Variants in IL17RD observed in about 807,000 individuals in gnomAD.
IL17RD encodes the protein interleukin 17 receptor D.
A neutral mutation model predicts 80.5 loss-of-function variants in IL17RD; 52 were observed. That is an observed-to-expected ratio of 0.65 (90% confidence interval 0.52 to 0.81). The LOEUF (loss-of-function observed/expected upper bound fraction) is 0.81, where lower values mean the gene tolerates loss of function less well. Ranked by LOEUF, IL17RD falls within the 40% of genes least tolerant of loss-of-function variation. The probability of loss-of-function intolerance (pLI) is 0.00; values close to 1 mark genes in which losing one functional copy is unlikely to be tolerated. For missense variants in IL17RD, 1,024 were observed against 955.1 expected, an observed-to-expected ratio of 1.07 and a Z score of -0.95; for synonymous variants, 416 against 391.8, an observed-to-expected ratio of 1.06 and a Z score of -0.73.
intron 1 of IL17RD, chr3:57,134,611 C>A (rs1161566725): frequency 4.2e-6 from 4 of 945,652 alleles, no homozygotes; most frequent in Non-Finnish European, 6.9e-6. Flanking sequence ...GCTGACCAGG[C>A]TAAGGCCCGC....
intron 5 of IL17RD, among the ~76,000 whole-genome samples, chr3:57,108,152 C>A (rs1196207881): frequency 6.6e-6 from 1 of 150,832 alleles, no homozygotes; most frequent in South Asian, 2.1e-4. Flanking sequence ...CTCCGCCTCC[C>A]GAGTTCAAGT....
intron 1 of IL17RD, among the ~76,000 whole-genome samples, chr3:57,158,211 T>C (rs2060281158): frequency 1.3e-5 from 2 of 152,338 alleles, no homozygotes; most frequent in South Asian, 4.1e-4. Context: ...TGTAGTAGTT[T>C]TAATGAAAAG....
intron 1 of IL17RD, among the ~76,000 whole-genome samples, chr3:57,135,522 A>G (rs781380242): frequency 7.9e-5 from 12 of 152,190 alleles, no homozygotes; most frequent in Non-Finnish European, 1.8e-4. Context: ...AAGAATATGA[A>G]ACTTCTCCCA....
chr3:57,115,739 T>C (rs1030686214), intron 2 of IL17RD, among the ~76,000 whole-genome samples: 3 of 152,200 alleles, frequency 2.0e-5, no homozygotes, highest in Non-Finnish European at 2.9e-5. Flanking sequence ...TCCCCATTTC[T>C]TTCTCAATGA....
rs953425142 is a variant in IL17RD at position 57,094,912 on chromosome 3, TAC to T, written c.*1479_*1480del. ...TTCCCAAAAAGCTGCCAGCTGCCTT[TAC>T]AGAGCAGTGAGTATGACATTTGCAT... On this transcript the variant is annotated 3_prime_UTR_variant, in exon 13 of 13. Transcript: ENST00000296318. 6.6e-6 allele frequency: 1 copy of T among 152,668 alleles called. No homozygotes were observed. The highest frequency in any genetic ancestry group is 2.4e-5 in the African/African-American group (1 of 41,462). The allele number at this position is 152,668 out of a possible 1,614,324, so 9.5% of individuals were successfully genotyped here.
At chr3:57,148,102 G>GCC (rs754188335) in intron 1 of IL17RD, among the ~76,000 whole-genome samples, 1 of 83,960 alleles carries the variant, frequency 1.2e-5, no homozygotes, top group African/African-American at 4.5e-5. Context: ...GGGGGGGGGG[G>GCC]GGCGATCGCT....
intron 2 of IL17RD, among the ~76,000 whole-genome samples, chr3:57,117,745 T>G (rs1187292313): frequency 1.3e-5 from 2 of 152,208 alleles, no homozygotes; most frequent in Non-Finnish European, 2.9e-5. Flanking sequence ...ATGGAAAATA[T>G]GGAATAAGTT....
At chr3:57,129,829 G>C (rs1301463162) in intron 1 of IL17RD, among the ~76,000 whole-genome samples, 1 of 152,242 alleles carries the variant, frequency 6.6e-6, no homozygotes, top group Non-Finnish European at 1.5e-5. Flanking sequence ...GTGGGAAGCA[G>C]TAAGTCAGCA....
At chr3:57,142,247 T>C (rs184881835) in intron 1 of IL17RD, among the ~76,000 whole-genome samples, 13 of 152,346 alleles carry the variant, frequency 8.5e-5, no homozygotes, top group African/African-American at 3.1e-4. Flanking sequence ...AAAGGAATCA[T>C]TTCAGTTTTT....
At chr3:57,106,522 C>A (rs1301774616) in intron 5 of IL17RD, among the ~76,000 whole-genome samples, 2 of 152,174 alleles carry the variant, frequency 1.3e-5, no homozygotes, top group African/African-American at 4.8e-5. Flanking sequence ...ATGATGCTGG[C>A]CCCTACCCCA....
Position 57,094,760 on chromosome 3 carries a change from G to C in IL17RD, c.*1633C>G, listed in dbSNP as rs1706633438. On this transcript the variant is annotated 3_prime_UTR_variant, in exon 13 of 13. Coordinates refer to ENST00000296318, the MANE Select transcript of IL17RD (RefSeq NM_017563.5). ...CTCTGCACTCATTCCAGATTCCATA[G>C]GAACAACATAAAATGACTCTTCTCT... 1 of 152,210 alleles carries C rather than the reference G, an allele frequency of 6.6e-6. No homozygotes were observed. Among genetic ancestry groups the C allele is most frequent in the Admixed American group, 6.6e-5 (1 of 15,264 alleles). 9.4% of individuals were successfully genotyped at this position (152,210 alleles called of 1,614,324 possible).
Position 57,095,286 on chromosome 3 carries a change from A to T in IL17RD, c.*1107T>A, listed in dbSNP as rs1706647437. 6.6e-6 allele frequency: 1 copy of T among 152,232 alleles called. No homozygotes were observed. The highest frequency in any genetic ancestry group is 6.5e-5 in the Admixed American group (1 of 15,280). The allele number at this position is 152,232 out of a possible 1,614,324, so 9.4% of individuals were successfully genotyped here. On this transcript the variant is annotated 3_prime_UTR_variant, in exon 13 of 13. Coordinates refer to ENST00000296318, the MANE Select transcript of IL17RD (RefSeq NM_017563.5). ...GCTAATCATCAGATGGGATGTGAAC[A>T]ATTGTTTTTTCTTTAGAAATAGAAA...
intron 1 of IL17RD, among the ~76,000 whole-genome samples, chr3:57,138,939 C>CAAAAAA (rs1026336884): frequency 1.7e-4 from 7 of 40,388 alleles, no homozygotes; most frequent in South Asian, 9.2e-4. Flanking sequence ...AACTCCATCT[C>CAAAAAA]AAAAAAAAAA....
chr3:57,112,329 C>T (rs1020410390), intron 3 of IL17RD, among the ~76,000 whole-genome samples: 21 of 152,230 alleles, frequency 1.4e-4, no homozygotes, highest in African/African-American at 5.1e-4. Context: ...CAGGGTCACA[C>T]AGGAATAAAA....
chr3:57,159,161 A>C (rs1026730858), intron 1 of IL17RD, among the ~76,000 whole-genome samples: 1 of 150,856 alleles, frequency 6.6e-6, no homozygotes, highest in Non-Finnish European at 1.5e-5. Context: ...ACATTTATGC[A>C]CTCAGGACTT....
At chr3:57,117,225 T>C (rs1707236839) in intron 2 of IL17RD, among the ~76,000 whole-genome samples, 1 of 151,720 alleles carries the variant, frequency 6.6e-6, no homozygotes, top group African/African-American at 2.4e-5. Flanking sequence ...GCAATTCTCC[T>C]GTCTCAGCCT....
intron 1 of IL17RD, chr3:57,134,037 G>C (rs1413375284): frequency 2.8e-6 from 1 of 353,612 alleles, no homozygotes; most frequent in African/African-American, 2.1e-5. Flanking sequence ...TAAAAGCAGT[G>C]ATTAATTCTT....
At chr3:57,112,649 T>C (rs1707125273) in intron 3 of IL17RD, among the ~76,000 whole-genome samples, 1 of 152,188 alleles carries the variant, frequency 6.6e-6, no homozygotes, top group Non-Finnish European at 1.5e-5. Context: ...CTACAGAAAA[T>C]GTTTTTAATC....
At chr3:57,152,194 C>T (rs1031033329) in intron 1 of IL17RD, among the ~76,000 whole-genome samples, 21 of 152,168 alleles carry the variant, frequency 1.4e-4, no homozygotes, top group African/African-American at 5.1e-4. Flanking sequence ...CCCCCCGCCC[C>T]CGACCAAAGC....
Sources: gnomAD v4.1 joint callset for allele counts (sites outside exome capture counted in the v4.1 genomes callset) on GRCh38, gnomAD v4.1.1 for gene constraint, MANE v1.5 for transcripts, NCBI Gene and HGNC (gene_info 2026-07-23, HGNC 2026-07-21) for gene names.